The following WIZ variants were observed in gnomAD, a reference collection of about 807,000 sequenced individuals.
WIZ encodes WIZ zinc finger.
Under a neutral mutation model 140.2 loss-of-function variants are expected in WIZ, and 25 were observed. The ratio of observed to expected loss-of-function variants is 0.18; its 90% CI spans 0.13 to 0.25. The LOEUF (loss-of-function observed/expected upper bound fraction) is 0.25. Among genes scored for constraint, WIZ ranks in the 10% least tolerant of loss-of-function variants. WIZ has a pLI of 1.00. For missense variants in WIZ, 2,231 were observed against 2,632.6 expected (o/e 0.85, Z 3.34); for synonymous variants, 1,125 against 1,154.3 (o/e 0.97, Z 0.51).
At position 15,436,795 on chromosome 19, in the gene WIZ, C is replaced by T. The variant is rs1371690611; in HGVS notation, c.2740+11G>A. On this transcript the variant is annotated intron_variant, in intron 5 of 12. Transcript: ENST00000673675. ...GATGGGGCTCCAGCACAGCCCGTCC[C>T]CTCCCCTTACCATCTCCATAGGCTG... 15 of 1,566,218 alleles carry T rather than the reference C, an allele frequency of 9.6e-6. No individual in the cohort carries two copies. Among genetic ancestry groups the T allele is most frequent in the African/African-American group, 1.4e-5 (1 of 71,946 alleles).
At chr19:15,447,980 C>T in intron 2 of WIZ, 123 bp downstream of exon 2, 2 of 1,143,534 alleles carry the variant, frequency 1.7e-6, no homozygotes, top group South Asian at 1.3e-5. Context: ...AAAGAAAAGG[C>T]TCTGGACCCA....
At position 15,428,334 on chromosome 19, in the gene WIZ, C is replaced by G; in HGVS notation, c.3590G>C (p.Gly1197Ala). 6.5e-7 allele frequency: 1 copy of G among 1,534,850 alleles called. No homozygotes were observed. Among genetic ancestry groups the G allele is most frequent in the Non-Finnish European group, 8.7e-7 (1 of 1,146,522 alleles). ...DVLHGLIRRD[G>A]VQIRLPPRRG... ...CCTGGGTGGGAGGCGGATCTGGACG[C>G]CGTCCCTCCTGATGAGCCCGTGGAG... is the stretch of plus-strand genomic sequence containing the variant. The change falls in exon 8 of 13, where the codon GGC becomes GCC. Residue 1197 changes from glycine (G) to alanine (A), a missense_variant. Around this residue, in one of 15 missense-constraint regions of WIZ, gnomAD observed 141 missense variants for 161.2 expected, o/e 0.87. Coordinates refer to ENST00000673675, the MANE Select transcript of WIZ (RefSeq NM_001371589.1). The surrounding 1 kb of genome is among the most constrained non-coding windows in gnomAD (Gnocchi z 6.4).
chr19:15,432,830 T>TGCCGAGTGCCGAGCGCCGAGC (rs1969358888), intron 5 of WIZ, among the ~76,000 whole-genome samples: 1 of 151,276 alleles, frequency 6.6e-6, no homozygotes, highest in African/African-American at 2.4e-5. Context: ...CAGGTTGGCC[T>TGCCGAGTGCCGAGCGCCGAGC]GCCGAGTGCC....
chr19:15,437,940 C>A (rs138417702), intron 4 of WIZ, among the ~76,000 whole-genome samples: 6 of 152,112 alleles, frequency 3.9e-5, no homozygotes, highest in Non-Finnish European at 8.8e-5. Flanking sequence ...CACTCGGTGT[C>A]GTCACTGCCT....
chr19:15,442,882 G>A lies in WIZ; in HGVS notation c.206-134C>T, dbSNP rs1969793199. 1.1e-5 allele frequency: 5 copies of A among 445,574 alleles called. No individual in the cohort carries two copies. The highest frequency in any genetic ancestry group is 1.9e-5 in the Non-Finnish European group (5 of 269,896). 27.6% of individuals were successfully genotyped at this position (445,574 alleles called of 1,614,324 possible). On this transcript the variant is annotated intron_variant, in intron 2 of 12. Coordinates refer to ENST00000673675, the MANE Select transcript of WIZ (RefSeq NM_001371589.1). The surrounding 1 kb of genome is among the most constrained non-coding windows in gnomAD (Gnocchi z 5.5). ...CCCAGTTCCTCTCCCTGAGAGGCCC[G>A]TGGCCTCTGTGGTCCTGAGCCCTGA...
rs765066397 is a variant in WIZ, at chr19:15,429,645, C to G, written c.3356G>C (p.Arg1119Pro). The G allele has an allele frequency of 7.0e-7, 1 of 1,419,678 alleles. No individual in the cohort carries two copies. Among genetic ancestry groups the G allele is most frequent in the Non-Finnish European group, 9.2e-7 (1 of 1,089,860 alleles). 87.9% of individuals were successfully genotyped at this position (1,419,678 alleles called of 1,614,324 possible). A position where few individuals can be genotyped will look rare whatever the true frequency, so the allele number is the denominator to read the frequency against. The change falls in exon 7 of 13, where the codon CGG (arginine) becomes CCG (proline). Residue 1119 changes from arginine to proline, a missense_variant. Physicochemically the swap from Arg to Pro is moderately radical, Grantham distance 103. Around this residue, in one of 15 missense-constraint regions of WIZ, gnomAD observed 163 missense variants for 166.8 expected, o/e 0.98. Coordinates refer to ENST00000673675, the MANE Select transcript of WIZ (RefSeq NM_001371589.1). Reference sequence around the variant, plus strand: ...CCACTGTGCCTTTGGGGAGGCCGGCCGGGGGCTCAGGGACAGCTGGGGGCT... The same window carrying G: ...CCACTGTGCCTTTGGGGAGGCCGGCGGGGGGCTCAGGGACAGCTGGGGGCT... ...DKSPQLSLSP[R>P]PASPKAQWPQ...
Position 15,428,162 on chromosome 19 carries a change from T to TGCG in WIZ, c.3759_3761dup (p.Ala1256dup). 29 of 1,534,404 alleles carry TGCG rather than the reference T, an allele frequency of 1.9e-5. No homozygotes were observed. The highest frequency in any genetic ancestry group is 2.5e-5 in the Non-Finnish European group (29 of 1,146,754). On this transcript the variant is annotated inframe_insertion, in exon 8 of 13. Transcript: ENST00000673675. The surrounding 1 kb of genome is among the most constrained non-coding windows in gnomAD (Gnocchi z 6.4). ...CAGAGGCCCAGAAAATGCCGGCGGCTGCGGCGGCCGAGAGGTCCTGCTTCC... is the reference window on the plus strand; with the variant it reads ...CAGAGGCCCAGAAAATGCCGGCGGCTGCGGCGGCGGCCGAGAGGTCCTGCTTCC...
In WIZ at chr19:15,424,394, G is replaced by C. The variant is rs756791958; in HGVS notation, c.5315-16C>G. 9 of 1,598,400 alleles carry C rather than the reference G, an allele frequency of 5.6e-6. No individual in the cohort carries two copies. The South Asian group carries it at 1.0e-4, about 18-fold the overall frequency. On this transcript the variant is annotated splice_polypyrimidine_tract_variant and intron_variant, in intron 11 of 12. Transcript: ENST00000673675. The surrounding 1 kb of genome is among the most constrained non-coding windows in gnomAD (Gnocchi z 9.7). ...CGTTCAAATTCTAAGGTGGAGAGGG[G>C]GACGGGAGATGAGTGGGAGGGGTGG...
intron 2 of WIZ, among the ~76,000 whole-genome samples, chr19:15,446,498 G>GAT (rs1379432544): frequency 1.3e-5 from 2 of 152,172 alleles, no homozygotes; most frequent in Non-Finnish European, 2.9e-5. Flanking sequence ...CCTGAGTGCT[G>GAT]ATACTCTGGA....
intron 5 of WIZ, chr19:15,436,472 G>C (rs918705093): frequency 8.3e-6 from 2 of 240,514 alleles, no homozygotes; most frequent in Admixed American, 1.2e-4. Flanking sequence ...CTGCCTTATA[G>C]GATTGTTGTG....
rs920540240 is a variant in WIZ, at chr19:15,430,104, A to G, written c.2912-15T>C. 395 of 1,497,388 alleles carry G rather than the reference A, an allele frequency of 2.6e-4. No homozygotes were observed. Among genetic ancestry groups the G allele is most frequent in the Non-Finnish European group, 3.3e-4 (366 of 1,123,342 alleles). 92.8% of individuals were successfully genotyped at this position (1,497,388 alleles called of 1,614,324 possible). A position where few individuals can be genotyped will look rare whatever the true frequency, so the allele number is the denominator to read the frequency against. On this transcript the variant is annotated splice_polypyrimidine_tract_variant and intron_variant, in intron 6 of 12. Transcript: ENST00000673675. ...CAGGCTCTGGGCTGAAGGGCAACAC[A>G]GAGGCCGGGAGAGCAGGCTGTGAGG... is the stretch of plus-strand genomic sequence containing the variant.
intron 5 of WIZ, 21 bp from the exon 6 acceptor site, chr19:15,431,203 C>T: frequency 6.7e-7 from 1 of 1,492,738 alleles, no homozygotes; most frequent in Non-Finnish European, 8.9e-7. Flanking sequence ...GGGAGACAGG[C>T]TCAGCCCAGA....
Position 15,425,484 on chromosome 19 carries a change from G to A in WIZ, c.4651C>T (p.Leu1551=). Residue 1551 remains leucine, a synonymous_variant, in exon 10 of 13, where the codon CTG becomes TTG. Transcript: ENST00000673675. ...APGPVQSPLP[L]SPLAGRPGKP... is the part of the protein sequence containing the mutation. The stretch of plus-strand genomic sequence containing the variant: ...CCTGGCCGGCCAGCCAGGGGCGACA[G>A]CGGCAGTGGGGACTGCACGGGCCCA... 1 of 1,606,788 alleles carries A rather than the reference G, an allele frequency of 6.2e-7. No homozygotes were observed. Among genetic ancestry groups the A allele is most frequent in the Non-Finnish European group, 8.5e-7 (1 of 1,176,896 alleles).
At position 15,431,232 on chromosome 19, in the gene WIZ, T is replaced by C. The variant is rs190640302; in HGVS notation, c.2741-50A>G. 132 of 1,449,896 alleles carry C rather than the reference T, an allele frequency of 9.1e-5. No homozygotes were observed. The African/African-American group carries it at 1.7e-3, about 18-fold the overall frequency. The allele number at this position is 1,449,896 out of a possible 1,614,324, so 89.8% of individuals were successfully genotyped here. On this transcript the variant is annotated intron_variant, in intron 5 of 12. Coordinates refer to ENST00000673675, the MANE Select transcript of WIZ (RefSeq NM_001371589.1). ...GCCCAGACAAATTTCAGGCTGTCTA[T>C]ACCCAGAACTAAGAAGATGGCCTTC...
At chr19:15,433,942 C>T (rs1337458583) in intron 5 of WIZ, among the ~76,000 whole-genome samples, 1 of 152,196 alleles carries the variant, frequency 6.6e-6, no homozygotes, top group Non-Finnish European at 1.5e-5. Flanking sequence ...GGTAGGACCC[C>T]AGCAGCTGCA....
chr19:15,428,241 G>A lies in WIZ; in HGVS notation c.3683C>T (p.Pro1228Leu), dbSNP rs762635112. The A allele has an allele frequency of 3.9e-6, 6 of 1,527,488 alleles. No individual in the cohort carries two copies. Among genetic ancestry groups the A allele is most frequent in the South Asian group, 2.4e-5 (2 of 83,190 alleles). The allele number at this position is 1,527,488 out of a possible 1,614,324, so 94.6% of individuals were successfully genotyped here. A position where few individuals can be genotyped will look rare whatever the true frequency, so the allele number is the denominator to read the frequency against. The change falls in exon 8 of 13, where the codon CCA becomes CTA. Residue 1228 changes from proline (P) to leucine (L), a missense_variant. This residue lies in a region of WIZ where 141 missense variants were observed against 161.2 expected (regional missense o/e 0.87). Transcript: ENST00000673675. The surrounding 1 kb of genome is among the most constrained non-coding windows in gnomAD (Gnocchi z 6.4). ...CAGCTTGGCCTTCTTGGCCGGCGGTGGGGGGGGAAGCAAGGAGAGGGCCGC... is the reference window on the plus strand; with the variant it reads ...CAGCTTGGCCTTCTTGGCCGGCGGTAGGGGGGGAAGCAAGGAGAGGGCCGC... Reference protein sequence around the residue: ...TSAALSLLPPPPPAKKAKLKA... With the variant: ...TSAALSLLPPLPPAKKAKLKA...
In WIZ at chr19:15,430,085, C is replaced by G; in HGVS notation, c.2916G>C (p.Gln972His). ...SKQELQDLKA[Q>H]SLTTCEVCGA... ...CGCAGACCTCGCAGGTGGTCAGGCTCTGGGCTGAAGGGCAACACAGAGGCC... is the reference window on the plus strand; with the variant it reads ...CGCAGACCTCGCAGGTGGTCAGGCTGTGGGCTGAAGGGCAACACAGAGGCC... Residue 972 changes from glutamine (Q) to histidine (H), a missense_variant, in exon 7 of 13, where the codon CAG (glutamine) becomes CAC (histidine). Physicochemically the swap from Gln to His is conservative, Grantham distance 24 (BLOSUM62 0). This residue lies in a region of WIZ where 24 missense variants were observed against 61.2 expected (regional missense o/e 0.39). Coordinates refer to ENST00000673675, the MANE Select transcript of WIZ (RefSeq NM_001371589.1). 1.3e-6 allele frequency: 2 copies of G among 1,525,656 alleles called. No homozygotes were observed. Among genetic ancestry groups the G allele is most frequent in the Non-Finnish European group, 1.8e-6 (2 of 1,140,122 alleles). 94.5% of individuals were successfully genotyped at this position (1,525,656 alleles called of 1,614,324 possible).
chr19:15,447,629 A>G (rs1287446494), intron 2 of WIZ, among the ~76,000 whole-genome samples: 1 of 152,142 alleles, frequency 6.6e-6, no homozygotes, highest in Non-Finnish European at 1.5e-5. Context: ...TGCTGGGTAA[A>G]CCAAGGGGTA....
Position 15,431,186 on chromosome 19 carries a change from T to G in WIZ, c.2741-4A>C, listed in dbSNP as rs1337599923. On this transcript the variant is annotated splice_polypyrimidine_tract_variant and splice_region_variant and intron_variant, in intron 5 of 12. Coordinates refer to ENST00000673675, the MANE Select transcript of WIZ (RefSeq NM_001371589.1). Reference sequence around the variant, plus strand: ...GCGTTTTCCTCAGAACCCAGGCCTGTGGGTTGGGGAGACAGGCTCAGCCCA... The same window carrying G: ...GCGTTTTCCTCAGAACCCAGGCCTGGGGGTTGGGGAGACAGGCTCAGCCCA... 1 of 1,512,010 alleles carries G rather than the reference T, an allele frequency of 6.6e-7. No homozygotes were observed. The highest frequency in any genetic ancestry group is 2.5e-5 in the East Asian group (1 of 39,950). The allele number at this position is 1,512,010 out of a possible 1,614,324, so 93.7% of individuals were successfully genotyped here. A position where few individuals can be genotyped will look rare whatever the true frequency, so the allele number is the denominator to read the frequency against.
Sources: gnomAD v4.1 joint callset for allele counts (sites outside exome capture counted in the v4.1 genomes callset) on GRCh38, gnomAD v4.1.1 for gene constraint, gnomAD v4.1.1 regional missense constraint, Gnocchi (gnomAD v3.1) non-coding constraint, MANE v1.5 for transcripts, NCBI Gene and HGNC (gene_info 2026-07-23, HGNC 2026-07-21) for gene names.